Variants in TTC28 observed in about 807,000 individuals in gnomAD.
The protein encoded by TTC28 is tetratricopeptide repeat protein 28.
A neutral mutation model predicts 198.0 loss-of-function variants in TTC28; 61 were observed. The ratio of observed to expected loss-of-function variants is 0.31; its 90% confidence interval spans 0.25 to 0.38. The LOEUF (loss-of-function observed/expected upper bound fraction) is 0.38. TTC28 is among the 10% of genes least tolerant of loss of function. The pLI is 1.00. For synonymous variants in TTC28, 1,171 were observed against 1,297.8 expected, an observed-to-expected ratio of 0.90 and a Z score of 2.10; for missense variants, 2,678 against 3,164.0, an observed-to-expected ratio of 0.85 and a Z score of 3.69.
chr22:28,437,161 C>A (rs897561719), intron 2 of TTC28, among the ~76,000 whole-genome samples: 1 of 152,102 alleles, frequency 6.6e-6, no homozygotes, highest in Non-Finnish European at 1.5e-5. Context: ...CAGCTCACTG[C>A]AACCTCTGCC....
chr22:28,390,034 T>C (rs1201473695), intron 2 of TTC28, among the ~76,000 whole-genome samples: 2 of 150,552 alleles, frequency 1.3e-5, no homozygotes, highest in African/African-American at 4.9e-5. Flanking sequence ...GAGATTCTGG[T>C]ATGTTGTGTC....
At chr22:28,396,204 G>C (rs1174828785) in intron 2 of TTC28, among the ~76,000 whole-genome samples, 1 of 152,188 alleles carries the variant, frequency 6.6e-6, no homozygotes, top group Non-Finnish European at 1.5e-5. Context: ...TGAAGTATGT[G>C]TGTAATTTGG....
chr22:28,501,451 G>T (rs1369088900), intron 2 of TTC28, among the ~76,000 whole-genome samples: 2 of 152,132 alleles, frequency 1.3e-5, no homozygotes, highest in Non-Finnish European at 2.9e-5. Flanking sequence ...GTAAAAAGTA[G>T]CAAGAACTGG....
At chr22:28,159,746 C>T (rs894754599) in intron 6 of TTC28, among the ~76,000 whole-genome samples, 2 of 151,642 alleles carry the variant, frequency 1.3e-5, no homozygotes, top group Non-Finnish European at 2.9e-5. Context: ...ATCAGTATGT[C>T]GAAGAGATAT....
chr22:28,391,830 C>A (rs1278172805), intron 2 of TTC28, among the ~76,000 whole-genome samples: 1 of 152,250 alleles, frequency 6.6e-6, no homozygotes, highest in African/African-American at 2.4e-5. Flanking sequence ...CTGAAGCCTT[C>A]TTCTCTCAGC....
intron 2 of TTC28, among the ~76,000 whole-genome samples, chr22:28,362,879 G>T (rs1257422847): frequency 6.6e-6 from 1 of 152,092 alleles, no homozygotes; most frequent in African/African-American, 2.4e-5. Flanking sequence ...GAGGTGACTT[G>T]GGTGCTGTTA....
intron 5 of TTC28, among the ~76,000 whole-genome samples, chr22:28,234,979 G>C (rs1929121850): frequency 6.6e-6 from 1 of 152,180 alleles, no homozygotes; most frequent in Admixed American, 6.5e-5. Context: ...TGCCAAGGAA[G>C]GGGACTTTTT....
Position 28,461,007 on chromosome 22 carries a change from T to A in TTC28, c.382-154364A>T, listed in dbSNP as rs538971110. 2.6e-5 allele frequency among the ~76,000 whole-genome samples: 4 copies of A among 152,312 alleles called. No homozygotes were observed. The South Asian group carries it at 8.3e-4, about 32-fold the overall frequency. Reference sequence around the variant, plus strand: ...CCTCCTATGATTTTAAGTAGCTGTATAATCTACAAAATACAATAACTTAAT... The same window carrying A: ...CCTCCTATGATTTTAAGTAGCTGTAAAATCTACAAAATACAATAACTTAAT... On this transcript the variant is annotated intron_variant, in intron 2 of 22. Transcript: ENST00000397906.
intron 5 of TTC28, among the ~76,000 whole-genome samples, chr22:28,252,119 T>C (rs1455930954): frequency 1.3e-5 from 2 of 152,156 alleles, no homozygotes; most frequent in African/African-American, 4.8e-5. Flanking sequence ...TGGGCCAATA[T>C]GGAATAATTT....
rs539892499 is a variant in TTC28 at position 28,392,614 on chromosome 22, G to A, written c.382-85971C>T. On this transcript the variant is annotated intron_variant, in intron 2 of 22. Coordinates refer to ENST00000397906, the MANE Select transcript of TTC28 (RefSeq NM_001145418.2). Reference sequence around the variant, plus strand: ...GGAGTGACCCGATTTTCCAGGTGCCGTCTGTCACCCCTTTCTTTGACTAGG... The same window carrying A: ...GGAGTGACCCGATTTTCCAGGTGCCATCTGTCACCCCTTTCTTTGACTAGG... 2.3e-3 allele frequency among the ~76,000 whole-genome samples: 350 copies of A among 151,846 alleles called. 2 individuals carry two copies. Among genetic ancestry groups the A allele is most frequent in the African/African-American group, 8.0e-3 (330 of 41,202 alleles).
At chr22:28,009,947 A>G (rs1938079178) in intron 14 of TTC28, among the ~76,000 whole-genome samples, 1 of 152,202 alleles carries the variant, frequency 6.6e-6, no homozygotes, top group Non-Finnish European at 1.5e-5. Flanking sequence ...ATTTACTTTA[A>G]TACCTTTAAA....
At chr22:27,991,560 T>C (rs1463879861) in intron 19 of TTC28, among the ~76,000 whole-genome samples, 1 of 152,266 alleles carries the variant, frequency 6.6e-6, no homozygotes, top group Non-Finnish European at 1.5e-5. Flanking sequence ...AGCAGCTTTA[T>C]TTCTCCATAG....
chr22:28,043,742 A>T (rs1005958188), intron 12 of TTC28, among the ~76,000 whole-genome samples: 6 of 151,992 alleles, frequency 3.9e-5, no homozygotes, highest in African/African-American at 7.3e-5. Context: ...CTGTTGGGGG[A>T]GAGGATGGGC....
At chr22:28,201,414 G>C (rs537228032) in intron 5 of TTC28, among the ~76,000 whole-genome samples, 3 of 152,090 alleles carry the variant, frequency 2.0e-5, no homozygotes, top group African/African-American at 4.8e-5. Flanking sequence ...AACCTTCTTA[G>C]GGTGTCAAGG....
At chr22:28,385,073 A>G (rs1440674328) in intron 2 of TTC28, among the ~76,000 whole-genome samples, 14 of 150,298 alleles carry the variant, frequency 9.3e-5, no homozygotes, top group African/African-American at 3.4e-4. Context: ...CCCAGGAGGC[A>G]GAGGTTGCAG....
At chr22:28,600,514 C>T (rs917916559) in intron 2 of TTC28, among the ~76,000 whole-genome samples, 1 of 152,038 alleles carries the variant, frequency 6.6e-6, no homozygotes, top group African/African-American at 2.4e-5. Context: ...AAAACAGAAC[C>T]AGCTGAACAC....
chr22:28,387,214 G>A (rs2046621120), intron 2 of TTC28, among the ~76,000 whole-genome samples: 1 of 152,206 alleles, frequency 6.6e-6, no homozygotes, highest in Admixed American at 6.5e-5. Context: ...TGGTGTACAT[G>A]TGCCACATTT....
chr22:28,578,552 A>C (rs1290538396), intron 2 of TTC28, among the ~76,000 whole-genome samples: 1 of 152,160 alleles, frequency 6.6e-6, no homozygotes, highest in Admixed American at 6.5e-5. Flanking sequence ...AAACTGAACA[A>C]CTATTCAAAC....
At chr22:28,220,487 T>C (rs891909651) in intron 5 of TTC28, among the ~76,000 whole-genome samples, 1 of 152,152 alleles carries the variant, frequency 6.6e-6, no homozygotes, top group Middle Eastern at 3.2e-3. Context: ...CAGCATTCAG[T>C]TCCTTGCAAT....
Sources: allele counts gnomAD v4.1 joint callset (sites outside exome capture counted in the v4.1 genomes callset), GRCh38; gene constraint gnomAD v4.1.1; transcripts MANE v1.5; gene names NCBI Gene and HGNC (gene_info 2026-07-23, HGNC 2026-07-21).